GPC5: variants seen among roughly 807,000 people sequenced by gnomAD.
GPC5 encodes the protein glypican-5.
GPC5 carries 47 observed loss-of-function variants against 53.9 expected under a neutral mutation model. That is an observed-to-expected ratio of 0.87 (90% CI 0.69 to 1.11). The LOEUF (loss-of-function observed/expected upper bound fraction) is 1.11, where lower values mean the gene tolerates loss of function less well. Among genes scored for constraint, GPC5 ranks in the 50% most tolerant of loss-of-function variants. The probability of loss-of-function intolerance (pLI) is 0.00; values close to 1 mark genes in which losing one functional copy is unlikely to be tolerated. For missense variants in GPC5, 748 were observed against 713.1 expected (o/e 1.05, Z -0.56); for synonymous variants, 286 against 263.3 (o/e 1.09, Z -0.84).
At chr13:92,549,837 G>C (rs1882245720) in intron 7 of GPC5, among the ~76,000 whole-genome samples, 1 of 150,392 alleles carries the variant, frequency 6.6e-6, no homozygotes, top group Admixed American at 6.7e-5. Context: ...TTTTAGACAA[G>C]AAGGTAGGGG....
At chr13:91,693,985 A>G in intron 3 of GPC5, 104 bp downstream of exon 3, 2 of 830,520 alleles carry the variant, frequency 2.4e-6, no homozygotes, top group Non-Finnish European at 3.7e-6. Flanking sequence ...GATATATTCA[A>G]TCCAAGATAT....
At chr13:92,080,377 G>T (rs1170885482) in intron 6 of GPC5, among the ~76,000 whole-genome samples, 2 of 152,098 alleles carry the variant, frequency 1.3e-5, no homozygotes, top group African/African-American at 4.8e-5. Flanking sequence ...GTATAGAATT[G>T]TTTGCCATAA....
intron 7 of GPC5, among the ~76,000 whole-genome samples, chr13:92,819,844 T>C (rs907084121): frequency 1.3e-5 from 2 of 152,216 alleles, no homozygotes; most frequent in African/African-American, 2.4e-5. Flanking sequence ...TAGTTCTAAT[T>C]TGATGTCAAC....
At chr13:92,662,127 C>T (rs963574992) in intron 7 of GPC5, among the ~76,000 whole-genome samples, 3 of 152,194 alleles carry the variant, frequency 2.0e-5, no homozygotes, top group Non-Finnish European at 4.4e-5. Context: ...ACTTTTAACA[C>T]TAGCTCTGCC....
At chr13:91,545,817 A>G (rs2030251921) in intron 2 of GPC5, among the ~76,000 whole-genome samples, 1 of 152,182 alleles carries the variant, frequency 6.6e-6, no homozygotes, top group South Asian at 2.1e-4. Context: ...TGTTATTGCT[A>G]TAATGTGTGT....
At chr13:91,639,122 T>C (rs949426984) in intron 2 of GPC5, among the ~76,000 whole-genome samples, 1 of 152,252 alleles carries the variant, frequency 6.6e-6, no homozygotes, top group Non-Finnish European at 1.5e-5. Flanking sequence ...TCTTTTCTTC[T>C]GTCCCTCTGT....
chr13:92,553,148 T>G (rs1219002237), intron 7 of GPC5, among the ~76,000 whole-genome samples: 3 of 151,998 alleles, frequency 2.0e-5, no homozygotes. Flanking sequence ...GTTTCTGCAT[T>G]TCTTGTTCAA....
intron 1 of GPC5, among the ~76,000 whole-genome samples, chr13:91,417,061 A>T (rs901476405): frequency 6.6e-6 from 1 of 152,134 alleles, no homozygotes; most frequent in Non-Finnish European, 1.5e-5. Context: ...AGTGGGGTGG[A>T]TGGAGCAGAG....
At chr13:92,231,962 T>C (rs1208842384) in intron 7 of GPC5, among the ~76,000 whole-genome samples, 1 of 152,074 alleles carries the variant, frequency 6.6e-6, no homozygotes. Flanking sequence ...CGAAACTCCA[T>C]CTCAAAAAAC....
intron 2 of GPC5, among the ~76,000 whole-genome samples, chr13:91,689,874 C>T (rs367957159): frequency 6.6e-6 from 1 of 152,090 alleles, no homozygotes; most frequent in East Asian, 1.9e-4. Context: ...AAGGAGTGCA[C>T]TCTAAAATAA....
intron 2 of GPC5, among the ~76,000 whole-genome samples, chr13:91,496,021 T>A (rs1462670919): frequency 7.1e-6 from 1 of 140,300 alleles, no homozygotes; most frequent in Non-Finnish European, 1.6e-5. Context: ...AGACTCTGTC[T>A]CAAAAAAAAT....
At chr13:92,351,146 A>ATT (rs1263413589) in intron 7 of GPC5, among the ~76,000 whole-genome samples, 1 of 151,798 alleles carries the variant, frequency 6.6e-6, no homozygotes, top group East Asian at 1.9e-4. Context: ...TATATTACTT[A>ATT]TTTTAAAATA....
Position 92,199,286 on chromosome 13 carries a change from A to G in GPC5, c.1561+54297A>G, listed in dbSNP as rs149329882. 3.4e-3 allele frequency among the ~76,000 whole-genome samples: 519 copies of G among 152,310 alleles called. 1 individual carries two copies. Among genetic ancestry groups the G allele is most frequent in the African/African-American group, 0.012 (490 of 41,570 alleles). On this transcript the variant is annotated intron_variant, in intron 7 of 7. Coordinates refer to ENST00000377067, the MANE Select transcript of GPC5 (RefSeq NM_004466.6). ...TGTCTTTCAGTCTCCACAATCAGCAACTTCTAGCCTGACCCACTCAATATA... is the reference window on the plus strand; with the variant it reads ...TGTCTTTCAGTCTCCACAATCAGCAGCTTCTAGCCTGACCCACTCAATATA...
At chr13:91,456,181 G>T (rs1417256762) in intron 2 of GPC5, among the ~76,000 whole-genome samples, 2 of 152,094 alleles carry the variant, frequency 1.3e-5, no homozygotes, top group African/African-American at 4.8e-5. Context: ...AATGTAAACT[G>T]AATGCTTTTT....
chr13:91,914,430 TA>T (rs1397288806), intron 6 of GPC5, among the ~76,000 whole-genome samples: 7 of 152,140 alleles, frequency 4.6e-5, no homozygotes, highest in African/African-American at 1.7e-4. Context: ...TTCATTTTTA[TA>T]GAGACCCAAA....
chr13:92,800,641 G>T (rs889954208), intron 7 of GPC5, among the ~76,000 whole-genome samples: 20 of 151,922 alleles, frequency 1.3e-4, no homozygotes, highest in African/African-American at 4.3e-4. Context: ...AGCAAAGAAT[G>T]CTGCAAAGCT....
chr13:91,849,379 G>A (rs1594615594), intron 5 of GPC5, among the ~76,000 whole-genome samples: 1 of 152,302 alleles, frequency 6.6e-6, no homozygotes, highest in East Asian at 1.9e-4. Context: ...AGAAGGATGA[G>A]TGAATTTCCA....
chr13:92,430,916 A>G (rs912163115), intron 7 of GPC5, among the ~76,000 whole-genome samples: 2 of 152,164 alleles, frequency 1.3e-5, no homozygotes, highest in African/African-American at 4.8e-5. Flanking sequence ...AATTAGCTCT[A>G]CTAGTAAATA....
At chr13:91,994,503 A>C (rs2040486304) in intron 6 of GPC5, 1 of 152,134 alleles carries the variant, frequency 6.6e-6, no homozygotes, top group Non-Finnish European at 1.5e-5. Flanking sequence ...GAGAATTATC[A>C]ATTGTTAATG....
Sources: allele counts gnomAD v4.1 joint callset (sites outside exome capture counted in the v4.1 genomes callset), GRCh38; gene constraint gnomAD v4.1.1; transcripts MANE v1.5; gene names NCBI Gene and HGNC (gene_info 2026-07-23, HGNC 2026-07-21).